Variants in SCFD2 observed in about 807,000 individuals in gnomAD.
SCFD2 encodes the protein sec1 family domain-containing protein 2.
A neutral mutation model predicts 58.9 loss-of-function variants in SCFD2; 54 were observed. The observed-to-expected ratio is 0.92, with a 90% CI of 0.74 to 1.15. The LOEUF is 1.15. Among genes scored for constraint, SCFD2 ranks in the 50% most tolerant of loss-of-function variants. The pLI, the probability that SCFD2 is intolerant of heterozygous loss-of-function variation, is 0.00. For missense variants in SCFD2, 805 were observed against 836.6 expected, an observed-to-expected ratio of 0.96 and a Z score of 0.47; for synonymous variants, 321 against 335.9, an observed-to-expected ratio of 0.96 and a Z score of 0.49.
intron 4 of SCFD2, among the ~76,000 whole-genome samples, chr4:53,255,557 G>A (rs566241097): frequency 2.0e-5 from 3 of 152,190 alleles, no homozygotes; most frequent in African/African-American, 7.2e-5. Context: ...AGGATCCCAA[G>A]GCAGAAGAAT....
intron 5 of SCFD2, among the ~76,000 whole-genome samples, chr4:52,941,444 C>CTA (rs1292004822): frequency 1.3e-5 from 2 of 152,172 alleles, no homozygotes; most frequent in Non-Finnish European, 2.9e-5. Context: ...GGCTGGAAAA[C>CTA]TAAACACTCA....
In SCFD2 at chr4:53,083,590, G is replaced by T. The variant is rs1208043921; in HGVS notation, c.1561+61743C>A. Reference sequence around the variant, plus strand: ...ACCAAATTCAACAATATATTAAAAAGATCATTCATCATTATTGGGGGAACC... The same window carrying T: ...ACCAAATTCAACAATATATTAAAAATATCATTCATCATTATTGGGGGAACC... On this transcript the variant is annotated intron_variant, in intron 5 of 8. Transcript: ENST00000401642. Among the ~76,000 whole-genome samples the T allele has an allele frequency of 3.3e-5, 5 of 152,062 alleles. No individual in the cohort carries two copies. The East Asian group carries it at 9.7e-4, about 29-fold the overall frequency.
chr4:52,921,159 G>A (rs1719726108), intron 5 of SCFD2, among the ~76,000 whole-genome samples: 1 of 152,124 alleles, frequency 6.6e-6, no homozygotes, highest in African/African-American at 2.4e-5. Context: ...ACATTTCACA[G>A]AAAGCAAGCT....
At chr4:53,125,122 G>C (rs1280280384) in intron 5 of SCFD2, among the ~76,000 whole-genome samples, 1 of 152,134 alleles carries the variant, frequency 6.6e-6, no homozygotes, top group Non-Finnish European at 1.5e-5. Context: ...TTCTGAGCTA[G>C]GATGATTAGG....
intron 4 of SCFD2, among the ~76,000 whole-genome samples, chr4:53,205,780 T>C (rs1486941133): frequency 1.3e-5 from 2 of 151,376 alleles, no homozygotes; most frequent in African/African-American, 2.4e-5. Flanking sequence ...GAGAATGGCA[T>C]GAACCCAGGA....
chr4:53,043,792 T>A (rs1722957720), intron 5 of SCFD2, among the ~76,000 whole-genome samples: 1 of 152,138 alleles, frequency 6.6e-6, no homozygotes, highest in African/African-American at 2.4e-5. Flanking sequence ...AATGAACTTT[T>A]AAAAAATATT....
At chr4:52,912,830 T>C (rs572327459) in intron 6 of SCFD2, among the ~76,000 whole-genome samples, 1 of 152,184 alleles carries the variant, frequency 6.6e-6, no homozygotes, top group Non-Finnish European at 1.5e-5. Context: ...CAGCCAGGAA[T>C]GACTCACTTC....
At chr4:53,166,270 G>A (rs141757533) in intron 4 of SCFD2, among the ~76,000 whole-genome samples, 2 of 152,298 alleles carry the variant, frequency 1.3e-5, no homozygotes, top group East Asian at 3.9e-4. Context: ...AGGTAGAGAT[G>A]TATCTGTATA....
intron 5 of SCFD2, among the ~76,000 whole-genome samples, chr4:53,020,976 A>T (rs1474823520): frequency 6.6e-6 from 1 of 152,174 alleles, no homozygotes. Flanking sequence ...TCCTGTGGCC[A>T]CCTCATCATG....
At chr4:52,990,799 G>C (rs983797382) in intron 5 of SCFD2, among the ~76,000 whole-genome samples, 1 of 152,140 alleles carries the variant, frequency 6.6e-6, no homozygotes, top group African/African-American at 2.4e-5. Context: ...ACATTTAAAG[G>C]ATTGGTCTTT....
At chr4:53,023,233 A>G (rs1722392452) in intron 5 of SCFD2, among the ~76,000 whole-genome samples, 1 of 152,144 alleles carries the variant, frequency 6.6e-6, no homozygotes, top group African/African-American at 2.4e-5. Context: ...TCTGATTTGA[A>G]TTTGCTCCCC....
At chr4:53,257,579 T>C (rs1730684464) in intron 4 of SCFD2, among the ~76,000 whole-genome samples, 1 of 152,154 alleles carries the variant, frequency 6.6e-6, no homozygotes, top group African/African-American at 2.4e-5. Context: ...TGGGAGAATG[T>C]TGTTATACTC....
At chr4:53,130,428 A>C (rs1321255268) in intron 5 of SCFD2, among the ~76,000 whole-genome samples, 5 of 152,224 alleles carry the variant, frequency 3.3e-5, no homozygotes, top group African/African-American at 1.2e-4. Flanking sequence ...TGGTTCTTTA[A>C]TGAATGCTCT....
Position 53,125,760 on chromosome 4 carries a change from G to A in SCFD2, c.1561+19573C>T, listed in dbSNP as rs190832513. ...ATGAAAGACTACCCAATAGGATGCT[G>A]TAACTTAGAACTGCCAATTTCATGT... On this transcript the variant is annotated intron_variant, in intron 5 of 8. Coordinates refer to ENST00000401642, the MANE Select transcript of SCFD2 (RefSeq NM_152540.4). Among the ~76,000 whole-genome samples, 419 of 152,334 alleles carry A rather than the reference G, an allele frequency of 2.8e-3. 1 individual carries two copies. The highest frequency in any genetic ancestry group is 9.3e-3 in the African/African-American group (385 of 41,572).
At chr4:53,222,836 G>C (rs902442749) in intron 4 of SCFD2, among the ~76,000 whole-genome samples, 14 of 152,244 alleles carry the variant, frequency 9.2e-5, no homozygotes, top group African/African-American at 3.4e-4. Flanking sequence ...TGTTATCTTT[G>C]AAAAGTAATA....
At chr4:52,915,903 AAG>A (rs2109480347) in intron 6 of SCFD2, among the ~76,000 whole-genome samples, 1 of 152,310 alleles carries the variant, frequency 6.6e-6, no homozygotes, top group African/African-American at 2.4e-5. Flanking sequence ...CTGTTGACAA[AAG>A]AGGCCAGGCC....
intron 5 of SCFD2, among the ~76,000 whole-genome samples, chr4:52,990,113 C>T (rs1721585383): frequency 6.6e-6 from 1 of 152,210 alleles, no homozygotes; most frequent in Non-Finnish European, 1.5e-5. Flanking sequence ...TGCTCATTTA[C>T]TATCTTTTTA....
At chr4:52,916,605 C>G (rs1256538599) in intron 6 of SCFD2, among the ~76,000 whole-genome samples, 2 of 152,134 alleles carry the variant, frequency 1.3e-5, no homozygotes, top group East Asian at 3.9e-4. Flanking sequence ...AGAAAAAACA[C>G]TTTCTGCACA....
At chr4:52,992,042 G>A (rs896193944) in intron 5 of SCFD2, among the ~76,000 whole-genome samples, 1 of 151,700 alleles carries the variant, frequency 6.6e-6, no homozygotes, top group Non-Finnish European at 1.5e-5. Context: ...TCTCCCCGCA[G>A]TCTCCCTCTC....
Sources: allele counts gnomAD v4.1 joint callset (sites outside exome capture counted in the v4.1 genomes callset), GRCh38; gene constraint gnomAD v4.1.1; transcripts MANE v1.5; gene names NCBI Gene and HGNC (gene_info 2026-07-23, HGNC 2026-07-21).